The following IRF3 variants were observed in gnomAD, a reference collection of about 807,000 sequenced individuals.
IRF3 encodes the protein interferon regulatory factor 3.
Under a neutral mutation model 43.2 loss-of-function variants are expected in IRF3, and 29 were observed. That is an observed-to-expected ratio of 0.67 (90% CI 0.50 to 0.91). The LOEUF is 0.91. Among genes scored for constraint, IRF3 ranks in the 40% least tolerant of loss-of-function variants. The probability of loss-of-function intolerance (pLI) is 0.00; values close to 1 mark genes in which losing one functional copy is unlikely to be tolerated. For synonymous variants in IRF3, 228 were observed against 233.9 expected, an observed-to-expected ratio of 0.97 and a Z score of 0.23; for missense variants, 505 against 559.1, an observed-to-expected ratio of 0.90 and a Z score of 0.98.
Position 49,662,614 on chromosome 19 carries a change from C to T in IRF3, c.412G>A (p.Asp138Asn). 1 of 1,528,290 alleles carries T rather than the reference C, an allele frequency of 6.5e-7. No homozygotes were observed. Among genetic ancestry groups the T allele is most frequent in the Non-Finnish European group, 8.8e-7 (1 of 1,141,024 alleles). 94.7% of individuals were successfully genotyped at this position (1,528,290 alleles called of 1,614,324 possible). A position where few individuals can be genotyped will look rare whatever the true frequency, so the allele number is the denominator to read the frequency against. ...GGGSTSDTQE[D>N]ILDELLGNMV... ...TTACCCAGTAACTCATCCAGAATGT[C>T]TTCCTGGAGGGAAACAAAAAAAGAG... Residue 138 changes from aspartate to asparagine, a missense_variant, in exon 5 of 8, where the codon GAC (aspartate) becomes AAC (asparagine). Coordinates refer to ENST00000377139, the MANE Select transcript of IRF3 (RefSeq NM_001571.6).
At chr19:49,659,984 T>TACACACACACACATATACACACACACAC (rs1421545567) in intron 7 of IRF3, 151 bp from the exon 8 acceptor site, 10 of 323,964 alleles carry the variant, frequency 3.1e-5, no homozygotes, top group Middle Eastern at 8.1e-4. Context: ...GTTGTAGTTT[T>TACACACACACACATATACACACACACAC]ACACACACAC....
Position 49,664,693 on chromosome 19 carries a change from T to A in IRF3, c.146A>T (p.Glu49Val). ...KHGLRQDAQQ[E>V]DFGIFQAWAE... The stretch of plus-strand genomic sequence containing the variant: ...ACGCACCTGGAAGATTCCGAAATCC[T>A]CCTGCTGTGCATCCTGCCGTAGGCC... The change falls in exon 2 of 8, where the codon GAG becomes GTG. Residue 49 changes from glutamate (E) to valine (V), a missense_variant. Glu to Val is a moderately radical substitution (Grantham distance 121). Transcript: ENST00000377139. 6.2e-7 allele frequency: 1 copy of A among 1,613,872 alleles called. No homozygotes were observed. Among genetic ancestry groups the A allele is most frequent in the Non-Finnish European group, 8.5e-7 (1 of 1,179,876 alleles).
intron 7 of IRF3, 41 bp downstream of exon 7, chr19:49,660,672 G>C (rs755755068): frequency 6.6e-7 from 1 of 1,516,966 alleles, no homozygotes; most frequent in Non-Finnish European, 8.8e-7. Flanking sequence ...CCCTCTGTAA[G>C]GCCACCCCTT....
chr19:49,665,066 C>T (rs1294127513), intron 1 of IRF3: 18 of 552,896 alleles, frequency 3.3e-5, no homozygotes, highest in Non-Finnish European at 5.4e-5. Context: ...CACATCCTTC[C>T]CCAGCGTCTT....
At chr19:49,663,121 G>T in intron 4 of IRF3, 67 bp downstream of exon 4, 1 of 1,368,658 alleles carries the variant, frequency 7.3e-7, no homozygotes, top group South Asian at 1.2e-5. Context: ...ATCGTCTAGA[G>T]GGAGAGGACA....
chr19:49,663,956 A>G (rs1035691241), intron 2 of IRF3: 15 of 218,926 alleles, frequency 6.9e-5, no homozygotes, highest in Admixed American at 1.1e-4. Context: ...TCGGCCTCCC[A>G]AAGTGCTGGG....
In IRF3 at chr19:49,664,658, A is replaced by T; in HGVS notation, c.165+16T>A. The T allele has an allele frequency of 1.2e-6, 2 of 1,610,804 alleles. No homozygotes were observed. Among genetic ancestry groups the T allele is most frequent in the Non-Finnish European group, 1.7e-6 (2 of 1,177,516 alleles). On this transcript the variant is annotated intron_variant, in intron 2 of 7. Coordinates refer to ENST00000377139, the MANE Select transcript of IRF3 (RefSeq NM_001571.6). ...CGCAGCTCCGGGTTTCCAGCGTCCC[A>T]GGTCGTCGCACGCACCTGGAAGATT...
rs764660394 is a variant in IRF3 at position 49,660,803 on chromosome 19, G to A, written c.1008C>T (p.Ser336=). ...AGAGGGCATAGCGTGGTGAGCGTCC[G>A]CTTCCTTCCGTGAAGGTAATCAGAT... ...IVDLITFTEG[S]GRSPRYALWF... is the part of the protein sequence containing the mutation. The change falls in exon 7 of 8, where the codon AGC becomes AGT. Residue 336 remains serine, a synonymous_variant. Coordinates refer to ENST00000377139, the MANE Select transcript of IRF3 (RefSeq NM_001571.6). 63 of 1,606,108 alleles carry A rather than the reference G, an allele frequency of 3.9e-5. No homozygotes were observed. The highest frequency in any genetic ancestry group is 3.3e-4 in the Middle Eastern group (2 of 6,054).
Position 49,659,852 on chromosome 19 carries a change from C to T in IRF3, c.1099-19G>A. ...GCACAACCTGCAGGGGAAGTGGGGA[C>T]AGGAGTCAGGGAAAACACCCAGCCA... On this transcript the variant is annotated intron_variant, in intron 7 of 7. Coordinates refer to ENST00000377139, the MANE Select transcript of IRF3 (RefSeq NM_001571.6). The T allele has an allele frequency of 1.9e-6, 3 of 1,558,680 alleles. No individual in the cohort carries two copies. The highest frequency in any genetic ancestry group is 1.7e-6 in the Non-Finnish European group (2 of 1,148,818).
At chr19:49,659,984 T>C in intron 7 of IRF3, 151 bp from the exon 8 acceptor site, 1 of 322,098 alleles carries the variant, frequency 3.1e-6, no homozygotes. Context: ...GTTGTAGTTT[T>C]ACACACACAC....
Position 49,662,180 on chromosome 19 carries a change from C to T in IRF3, c.750G>A (p.Met250Ile). The T allele has an allele frequency of 6.2e-7, 1 of 1,614,148 alleles. No individual in the cohort carries two copies. The highest frequency in any genetic ancestry group is 1.1e-5 in the South Asian group (1 of 91,092). Reference protein sequence around the residue: ...GWPVTLPDPGMSLTDRGVMSY... With the variant: ...GWPVTLPDPGISLTDRGVMSY... ...TCATCACTCCCCTGTCTGTCAGGGA[C>T]ATGCCAGGGTCTGGCAGTGTGACTG... Residue 250 changes from methionine to isoleucine, a missense_variant, in exon 6 of 8, where the codon ATG becomes ATA. Met to Ile is a conservative substitution (Grantham distance 10, BLOSUM62 1). Coordinates refer to ENST00000377139, the MANE Select transcript of IRF3 (RefSeq NM_001571.6).
chr19:49,664,357 C>T (rs1409400949), intron 2 of IRF3: 2 of 1,007,510 alleles, frequency 2.0e-6, no homozygotes, highest in African/African-American at 3.2e-5. Flanking sequence ...TTTCAAGAAC[C>T]ATCCCCCAGT....
intron 2 of IRF3, chr19:49,664,334 C>T (rs924284487): frequency 6.3e-6 from 5 of 799,184 alleles, no homozygotes; most frequent in East Asian, 1.1e-4. Context: ...GGCTCCAGGC[C>T]TCACCTCTGA....
chr19:49,659,998 C>CAT (rs1370491180), intron 7 of IRF3, among the ~76,000 whole-genome samples, 165 bp from the exon 8 acceptor site: 11 of 83,820 alleles, frequency 1.3e-4, no homozygotes, highest in African/African-American at 3.8e-4. Context: ...CACACACACA[C>CAT]ACACACACAC....
Position 49,664,798 on chromosome 19 carries a change from G to T in IRF3, c.41C>A (p.Ser14Ter). 1 of 1,613,866 alleles carries T rather than the reference G, an allele frequency of 6.2e-7. No individual in the cohort carries two copies. Among genetic ancestry groups the T allele is most frequent in the Non-Finnish European group, 8.5e-7 (1 of 1,179,972 alleles). Reference sequence around the variant, plus strand: ...CTCCAGTTGCCCCAGGTCCAGCTGCGACACCAGCCAGGGCAGGATCCGTGG... The same window carrying T: ...CTCCAGTTGCCCCAGGTCCAGCTGCTACACCAGCCAGGGCAGGATCCGTGG... ...PKPRILPWLV[S>*]QLDLGQLEGV... The change falls in exon 2 of 8, where the codon TCG (serine) becomes TAG (stop). Residue 14 changes from serine (S) to a stop codon, truncating the protein, a stop_gained. Coordinates refer to ENST00000377139, the MANE Select transcript of IRF3 (RefSeq NM_001571.6). LOFTEE classifies it high-confidence loss of function.
intron 2 of IRF3, among the ~76,000 whole-genome samples, chr19:49,664,039 G>C (rs1003565805): frequency 6.6e-6 from 1 of 152,044 alleles, no homozygotes; most frequent in Admixed American, 6.5e-5. Flanking sequence ...GTTTTGTTTC[G>C]CTTTTGTTTT....
rs751165530 is a variant in IRF3, at chr19:49,662,446, G to A, written c.580C>T (p.Arg194Trp). 6.9e-6 allele frequency: 11 copies of A among 1,596,852 alleles called. No homozygotes were observed. Among genetic ancestry groups the A allele is most frequent in the South Asian group, 3.4e-5 (3 of 88,840 alleles). Residue 194 changes from arginine to tryptophan, a missense_variant, in exon 5 of 8, where the codon CGG becomes TGG. Coordinates refer to ENST00000377139, the MANE Select transcript of IRF3 (RefSeq NM_001571.6). Reference sequence around the variant, plus strand: ...TCACCTTCCCCCGGCACCAACAGCCGCTTCAGTGGGTTCTCAGAGGGCCCC... The same window carrying A: ...TCACCTTCCCCCGGCACCAACAGCCACTTCAGTGGGTTCTCAGAGGGCCCC... ...NLGPSENPLKRLLVPGEEWEF... is the reference protein window; with the variant it reads ...NLGPSENPLKWLLVPGEEWEF...
chr19:49,664,456 TTTA>T, intron 2 of IRF3: 1 of 1,519,330 alleles, frequency 6.6e-7, no homozygotes, highest in Non-Finnish European at 8.8e-7. Context: ...CTTTCCCGGT[TTTA>T]TTCCCGTAAC....
chr19:49,665,776 G>C lies in IRF3; in HGVS notation c.-154C>G. 1 of 1,555,100 alleles carries C rather than the reference G, an allele frequency of 6.4e-7. No individual in the cohort carries two copies. Among genetic ancestry groups the C allele is most frequent in the South Asian group, 1.2e-5 (1 of 85,832 alleles). On this transcript the variant is annotated 5_prime_UTR_variant, in exon 1 of 8. Coordinates refer to ENST00000377139, the MANE Select transcript of IRF3 (RefSeq NM_001571.6). Reference sequence around the variant, plus strand: ...GGGCTTTCTTTTTGATCGACTTCTTGAAATAAAACCAACTTTATCATTCTT... The same window carrying C: ...GGGCTTTCTTTTTGATCGACTTCTTCAAATAAAACCAACTTTATCATTCTT...
Sources: allele counts gnomAD v4.1 joint callset (sites outside exome capture counted in the v4.1 genomes callset), GRCh38; gene constraint gnomAD v4.1.1; transcripts MANE v1.5; gene names NCBI Gene and HGNC (gene_info 2026-07-23, HGNC 2026-07-21).